CACNA2D1: variants seen among roughly 807,000 people sequenced by gnomAD.
The protein encoded by CACNA2D1 is voltage-dependent calcium channel subunit alpha-2/delta-1.
Under a neutral mutation model 171.5 loss-of-function variants are expected in CACNA2D1, and 53 were observed. The observed-to-expected ratio is 0.31, with a 90% CI of 0.25 to 0.39. The LOEUF is 0.39. Ranked by LOEUF, CACNA2D1 falls within the 10% of genes least tolerant of loss-of-function variation. CACNA2D1 has a pLI of 1.00. For missense variants in CACNA2D1, 903 were observed against 1,299.8 expected (o/e 0.69, Z 4.69); for synonymous variants, 442 against 443.1 (o/e 1.00, Z 0.03).
intron 1 of CACNA2D1, among the ~76,000 whole-genome samples, chr7:82,400,594 T>TA (rs1295445592): frequency 6.6e-6 from 1 of 151,942 alleles, no homozygotes; most frequent in Non-Finnish European, 1.5e-5. Context: ...CCTAAAACCA[T>TA]AAAAACCCTA....
rs542788944 is a variant in CACNA2D1, at chr7:82,430,215, G to A, written c.95+13150C>T. ...GCAGATCACCTGAGGTCAGGAGCCC[G>A]AGACCAGCCTGGCCAATATGGTGAA... On this transcript the variant is annotated intron_variant, in intron 1 of 38. Coordinates refer to ENST00000356860, the MANE Select transcript of CACNA2D1 (RefSeq NM_000722.4). Among the ~76,000 whole-genome samples the A allele has an allele frequency of 2.2e-3, 332 of 152,066 alleles. 3 individuals are homozygous for A. Among genetic ancestry groups the A allele is most frequent in the Non-Finnish European group, 3.1e-3 (214 of 67,974 alleles).
intron 3 of CACNA2D1, among the ~76,000 whole-genome samples, chr7:82,275,458 A>G (rs182293834): frequency 1.5e-3 from 228 of 152,228 alleles, no homozygotes; most frequent in African/African-American, 5.3e-3. Flanking sequence ...CCCAAGGTGA[A>G]TGTGAAACCC....
At chr7:82,290,451 A>G (rs977497560) in intron 3 of CACNA2D1, among the ~76,000 whole-genome samples, 12 of 152,126 alleles carry the variant, frequency 7.9e-5, no homozygotes, top group African/African-American at 2.9e-4. Context: ...ACATTGTTTT[A>G]TATAAGAAAG....
intron 5 of CACNA2D1, among the ~76,000 whole-genome samples, chr7:82,132,636 T>C (rs967131718): frequency 6.6e-6 from 1 of 152,050 alleles, no homozygotes; most frequent in African/African-American, 2.4e-5. Context: ...AGAGCTACAC[T>C]GAGGAAAGCA....
chr7:82,373,390 C>T (rs1274793014), intron 1 of CACNA2D1, among the ~76,000 whole-genome samples: 1 of 152,214 alleles, frequency 6.6e-6, no homozygotes, highest in Non-Finnish European at 1.5e-5. Context: ...ACTCCACACA[C>T]TTATAGACTT....
At chr7:82,335,418 T>C (rs1585545804) in intron 2 of CACNA2D1, among the ~76,000 whole-genome samples, 167 bp from the exon 3 acceptor site, 1 of 152,272 alleles carries the variant, frequency 6.6e-6, no homozygotes, top group African/African-American at 2.4e-5. Flanking sequence ...TATGTAAATA[T>C]AAATTTGCTC....
chr7:82,015,672 T>A (rs1800359211), intron 12 of CACNA2D1, among the ~76,000 whole-genome samples: 1 of 152,222 alleles, frequency 6.6e-6, no homozygotes, highest in Non-Finnish European at 1.5e-5. Flanking sequence ...TTCCATGAGT[T>A]CAAATTCCAG....
intron 3 of CACNA2D1, among the ~76,000 whole-genome samples, chr7:82,248,387 A>G (rs966521160): frequency 6.6e-6 from 1 of 152,026 alleles, no homozygotes; most frequent in African/African-American, 2.4e-5. Flanking sequence ...TTTAACCCAC[A>G]CAGAAACTAC....
At chr7:82,318,345 C>T (rs1815361063) in intron 3 of CACNA2D1, among the ~76,000 whole-genome samples, 3 of 151,974 alleles carry the variant, frequency 2.0e-5, no homozygotes, top group Admixed American at 2.0e-4. Context: ...CCAGAGTTTC[C>T]CCAAAACACT....
Position 81,964,124 on chromosome 7 carries a change from A to T in CACNA2D1, c.2728-16T>A. ...CTACTGATGGCTATAAAATAAAATA[A>T]TAAGGTCATTTCAGTAGTCTACTTG... On this transcript the variant is annotated splice_polypyrimidine_tract_variant and intron_variant, in intron 33 of 38. Coordinates refer to ENST00000356860, the MANE Select transcript of CACNA2D1 (RefSeq NM_000722.4). 1 of 1,612,122 alleles carries T rather than the reference A, an allele frequency of 6.2e-7. No individual in the cohort carries two copies. Among genetic ancestry groups the T allele is most frequent in the African/African-American group, 1.3e-5 (1 of 74,918 alleles).
At chr7:81,980,208 C>CAAAA (rs1796315828) in intron 24 of CACNA2D1, among the ~76,000 whole-genome samples, 1 of 112,168 alleles carries the variant, frequency 8.9e-6, no homozygotes, top group African/African-American at 3.5e-5. Flanking sequence ...AAAGAAAGTG[C>CAAAA]ATTTAGGAAC....
intron 3 of CACNA2D1, among the ~76,000 whole-genome samples, chr7:82,245,102 C>A (rs911098300): frequency 6.6e-5 from 10 of 152,116 alleles, no homozygotes; most frequent in Non-Finnish European, 1.2e-4. Context: ...CAGCTCAGAG[C>A]CGATTTTCTA....
At chr7:82,426,896 T>TAGAC (rs1048600000) in intron 1 of CACNA2D1, among the ~76,000 whole-genome samples, 38 of 152,250 alleles carry the variant, frequency 2.5e-4, no homozygotes, top group African/African-American at 8.7e-4. Flanking sequence ...GCTACAGAAT[T>TAGAC]AGAGAGGGAG....
chr7:82,415,309 G>A (rs1006795529), intron 1 of CACNA2D1, among the ~76,000 whole-genome samples: 4 of 152,062 alleles, frequency 2.6e-5, no homozygotes, highest in African/African-American at 7.2e-5. Flanking sequence ...CGAGATGGGC[G>A]GATCACCTGA....
intron 3 of CACNA2D1, among the ~76,000 whole-genome samples, chr7:82,301,774 TAGAG>T (rs1159758230): frequency 1.0e-4 from 11 of 108,400 alleles, no homozygotes; most frequent in East Asian, 2.9e-4. Flanking sequence ...CACACACACA[TAGAG>T]AGAGAGAGAC....
At chr7:82,177,874 T>C (rs1796713126) in intron 3 of CACNA2D1, among the ~76,000 whole-genome samples, 2 of 152,140 alleles carry the variant, frequency 1.3e-5, no homozygotes, top group South Asian at 4.1e-4. Context: ...ACACTGTTTA[T>C]ATGTTTTACT....
At position 82,443,407 on chromosome 7, in the gene CACNA2D1, A is replaced by G. The variant is rs1830664488; in HGVS notation, c.53T>C (p.Leu18Pro). Residue 18 changes from leucine to proline, a missense_variant, in exon 1 of 39, where the codon CTC (leucine) becomes CCC (proline). Transcript: ENST00000356860. ...ALTLTLFQSL[L>P]IGPSSEEPFP... ...CGGCTCCTCCGACGAGGGGCCGATG[A>G]GCAAAGATTGGAAAAGTGTCAGAGT... The G allele has an allele frequency of 6.2e-7, 1 of 1,606,466 alleles. No individual in the cohort carries two copies. Among genetic ancestry groups the G allele is most frequent in the Non-Finnish European group, 8.5e-7 (1 of 1,176,198 alleles).
At chr7:82,344,989 C>T (rs1043974966) in intron 2 of CACNA2D1, among the ~76,000 whole-genome samples, 6 of 152,104 alleles carry the variant, frequency 3.9e-5, no homozygotes, top group African/African-American at 1.2e-4. Context: ...TCTTTCAGCA[C>T]TCCCGGAAAT....
chr7:82,032,696 G>A, intron 12 of CACNA2D1, 101 bp downstream of exon 12: 1 of 645,646 alleles, frequency 1.5e-6, no homozygotes, highest in Non-Finnish European at 2.7e-6. Flanking sequence ...GCACAATCAG[G>A]TTTTAAATCA....
Sources: gnomAD v4.1 joint callset for allele counts (sites outside exome capture counted in the v4.1 genomes callset) on GRCh38, gnomAD v4.1.1 for gene constraint, MANE v1.5 for transcripts, NCBI Gene and HGNC (gene_info 2026-07-23, HGNC 2026-07-21) for gene names.